GABRB1: variants seen among roughly 807,000 people sequenced by gnomAD.
The protein encoded by GABRB1 is gamma-aminobutyric acid receptor subunit beta-1.
In GABRB1, 17 loss-of-function variants were observed where a neutral mutation model predicts 51.6. The observed-to-expected ratio is 0.33, with a 90% CI of 0.23 to 0.49. The LOEUF (loss-of-function observed/expected upper bound fraction) is 0.49, where lower values mean the gene tolerates loss of function less well. Among genes scored for constraint, GABRB1 ranks in the 20% least tolerant of loss-of-function variants. The probability of loss-of-function intolerance (pLI) is 0.99; values close to 1 mark genes in which losing one functional copy is unlikely to be tolerated. For missense variants in GABRB1, 410 were observed against 600.6 expected, an observed-to-expected ratio of 0.68 and a Z score of 3.32; for synonymous variants, 247 against 218.9, an observed-to-expected ratio of 1.13 and a Z score of -1.14.
At chr4:47,138,129 G>A (rs1276716324) in intron 3 of GABRB1, among the ~76,000 whole-genome samples, 1 of 151,956 alleles carries the variant, frequency 6.6e-6, no homozygotes, top group Non-Finnish European at 1.5e-5. Flanking sequence ...AAAATTGATG[G>A]GACTCTATGG....
intron 4 of GABRB1, among the ~76,000 whole-genome samples, chr4:47,213,397 AAATT>A (rs762597563): frequency 5.9e-5 from 9 of 152,116 alleles, no homozygotes; most frequent in Non-Finnish European, 1.2e-4. Flanking sequence ...CAGTGTGAGA[AAATT>A]AATTAATATT....
At chr4:47,350,427 A>G (rs1308061928) in intron 5 of GABRB1, among the ~76,000 whole-genome samples, 1 of 151,690 alleles carries the variant, frequency 6.6e-6, no homozygotes, top group Non-Finnish European at 1.5e-5. Flanking sequence ...GTAGAAATCA[A>G]ACATTTCTGA....
chr4:47,337,815 A>G (rs1725753036), intron 5 of GABRB1, among the ~76,000 whole-genome samples: 1 of 151,172 alleles, frequency 6.6e-6, no homozygotes, highest in African/African-American at 2.4e-5. Context: ...GTCTAAAAAA[A>G]AAAAAAAAAA....
intron 3 of GABRB1, among the ~76,000 whole-genome samples, chr4:47,094,264 C>A (rs1431908014): frequency 2.2e-5 from 3 of 133,424 alleles, no homozygotes; most frequent in African/African-American, 8.8e-5. Context: ...CTTGCTCTGT[C>A]GCCCAGGCTG....
Position 47,242,748 on chromosome 4 carries a change from G to T in GABRB1, c.462-77379G>T, listed in dbSNP as rs1350641909. Among the ~76,000 whole-genome samples, 8 of 152,198 alleles carry T rather than the reference G, an allele frequency of 5.3e-5. No homozygotes were observed. The South Asian group carries it at 1.7e-3, about 32-fold the overall frequency. On this transcript the variant is annotated intron_variant, in intron 4 of 8. Transcript: ENST00000295454. ...TGATGGGGTTGTTTGATTTTTTCTT[G>T]TAAATTTGTTTAAGTTCTTTGTAGA...
At chr4:47,316,491 T>C (rs947828472) in intron 4 of GABRB1, among the ~76,000 whole-genome samples, 4 of 152,010 alleles carry the variant, frequency 2.6e-5, no homozygotes, top group Non-Finnish European at 5.9e-5. Flanking sequence ...AATAGGCACT[T>C]AGGTTGATTC....
chr4:47,132,551 T>A lies in GABRB1; in HGVS notation c.241-28698T>A, dbSNP rs189083064. On this transcript the variant is annotated intron_variant, in intron 3 of 8. Transcript: ENST00000295454. ...TGGCACCTGAGTCCACTCATTTATG[T>A]TCTCTACTCCTGAACAGTCAGTTAA... Among the ~76,000 whole-genome samples, 45 of 152,322 alleles carry A rather than the reference T, an allele frequency of 3.0e-4. No homozygotes were observed. The East Asian group carries it at 8.3e-3, about 28-fold the overall frequency.
At chr4:47,365,174 A>G (rs1189263510) in intron 5 of GABRB1, among the ~76,000 whole-genome samples, 1 of 152,228 alleles carries the variant, frequency 6.6e-6, no homozygotes, top group Non-Finnish European at 1.5e-5. Flanking sequence ...GACCAAGAAT[A>G]GAAAACAAAA....
intron 3 of GABRB1, among the ~76,000 whole-genome samples, chr4:47,107,206 C>A (rs905847387): frequency 6.6e-6 from 1 of 152,050 alleles, no homozygotes; most frequent in East Asian, 1.9e-4. Context: ...ATTCCCTATT[C>A]TTTTTGTTTA....
intron 4 of GABRB1, among the ~76,000 whole-genome samples, chr4:47,274,358 T>G (rs1722991551): frequency 6.6e-6 from 1 of 152,152 alleles, no homozygotes; most frequent in African/African-American, 2.4e-5. Context: ...ATTACTTCAG[T>G]CAATATAAGA....
chr4:47,209,640 ACCTT>A (rs1720275165), intron 4 of GABRB1, among the ~76,000 whole-genome samples: 1 of 152,172 alleles, frequency 6.6e-6, no homozygotes. Context: ...TGTGCCATTT[ACCTT>A]CTCACTTCGA....
intron 3 of GABRB1, among the ~76,000 whole-genome samples, chr4:47,076,629 C>T (rs1190378177): frequency 6.6e-6 from 1 of 151,292 alleles, no homozygotes; most frequent in Non-Finnish European, 1.5e-5. Flanking sequence ...CTCTGACAGC[C>T]AGCAGCCGAT....
intron 5 of GABRB1, among the ~76,000 whole-genome samples, chr4:47,392,334 C>G (rs896998759): frequency 6.7e-6 from 1 of 148,378 alleles, no homozygotes; most frequent in African/African-American, 2.5e-5. Flanking sequence ...TTTCTCCCTT[C>G]CACCTTTTTT....
At chr4:47,186,348 C>A (rs565884624) in intron 4 of GABRB1, among the ~76,000 whole-genome samples, 1 of 151,852 alleles carries the variant, frequency 6.6e-6, no homozygotes, top group Non-Finnish European at 1.5e-5. Context: ...AGTATCAGAA[C>A]ATGGACCTAA....
chr4:47,019,625 CTCTT>C (rs1157555893), intron 1 of GABRB1, among the ~76,000 whole-genome samples: 6,273 of 90,920 alleles, frequency 0.069, 203 homozygotes, highest in East Asian at 0.089. Context: ...TTCTTTCTCT[CTCTT>C]TCTTTCTTTC....
At chr4:47,242,613 T>C (rs1721569561) in intron 4 of GABRB1, among the ~76,000 whole-genome samples, 1 of 152,260 alleles carries the variant, frequency 6.6e-6, no homozygotes, top group African/African-American at 2.4e-5. Context: ...ATTGTGGTTT[T>C]GATTTACATT....
chr4:47,019,586 C>T (rs767634913), intron 1 of GABRB1, among the ~76,000 whole-genome samples: 115 of 134,270 alleles, frequency 8.6e-4, no homozygotes, highest in Middle Eastern at 7.4e-3. Flanking sequence ...TCCCTCCTTC[C>T]TCCCTCCCTC....
chr4:47,242,080 C>T (rs1325826797), intron 4 of GABRB1, among the ~76,000 whole-genome samples: 3 of 151,984 alleles, frequency 2.0e-5, no homozygotes, highest in Admixed American at 6.6e-5. Context: ...TGTTCCCCAC[C>T]CTGTGTCCAT....
intron 3 of GABRB1, among the ~76,000 whole-genome samples, chr4:47,048,220 C>A (rs897651850): frequency 2.0e-5 from 3 of 152,110 alleles, no homozygotes; most frequent in African/African-American, 7.2e-5. Flanking sequence ...CATAACCACA[C>A]ATTCAGAGAC....
Sources: allele counts gnomAD v4.1 joint callset (sites outside exome capture counted in the v4.1 genomes callset), GRCh38; gene constraint gnomAD v4.1.1; transcripts MANE v1.5; gene names NCBI Gene and HGNC (gene_info 2026-07-23, HGNC 2026-07-21).